EFHD1: variants seen among roughly 807,000 people sequenced by gnomAD.
EFHD1 encodes the protein EF-hand domain family member D1, also known as EF-hand domain-containing protein D1.
In EFHD1, 10 loss-of-function variants were observed where a neutral mutation model predicts 17.2. That is an observed-to-expected ratio of 0.58 (90% CI 0.36 to 0.99). The LOEUF (loss-of-function observed/expected upper bound fraction) is 0.99. Among genes scored for constraint, EFHD1 ranks in the 50% least tolerant of loss-of-function variants. The pLI, the probability that EFHD1 is intolerant of heterozygous loss-of-function variation, is 0.01. For missense variants in EFHD1, 310 were observed against 327.5 expected, an observed-to-expected ratio of 0.95 and a Z score of 0.41; for synonymous variants, 153 against 142.0, an observed-to-expected ratio of 1.08 and a Z score of -0.55.
chr2:232,664,979 T>C (rs1684789930), intron 2 of EFHD1, among the ~76,000 whole-genome samples: 1 of 151,984 alleles, frequency 6.6e-6, no homozygotes, highest in African/African-American at 2.4e-5. Flanking sequence ...TGGTATAGTC[T>C]TACCTCACTG....
chr2:232,678,667 C>T (rs1460115816), intron 3 of EFHD1, among the ~76,000 whole-genome samples: 1 of 152,130 alleles, frequency 6.6e-6, no homozygotes, highest in Admixed American at 6.5e-5. Flanking sequence ...CCTGTAATCC[C>T]AGCTACTCGG....
intron 1 of EFHD1, among the ~76,000 whole-genome samples, chr2:232,626,929 T>TA (rs1694111054): frequency 6.6e-6 from 1 of 151,698 alleles, no homozygotes; most frequent in Admixed American, 6.6e-5. Flanking sequence ...CTCTTGCCTG[T>TA]AATCCCAGCA....
intron 1 of EFHD1, chr2:232,649,814 C>A (rs893388722): frequency 1.3e-5 from 2 of 152,198 alleles, no homozygotes; most frequent in African/African-American, 4.8e-5. Flanking sequence ...AGAGTCTCCC[C>A]CTAACAGAGT....
rs572363189 is a variant in EFHD1, at chr2:232,658,942, G to A, written c.303-3860G>A. Among the ~76,000 whole-genome samples the A allele has an allele frequency of 9.2e-5, 14 of 152,132 alleles. No individual in the cohort carries two copies. The South Asian group carries it at 2.5e-3, about 27-fold the overall frequency. On this transcript the variant is annotated intron_variant, in intron 1 of 3. Transcript: ENST00000264059. ...TTTTTAAAAAAAACTTAGAAAACAG[G>A]GAAGTGAGGTCCATCCTCAAGTCAT... is the stretch of plus-strand genomic sequence containing the variant.
chr2:232,655,635 C>T (rs1037263577), intron 1 of EFHD1, among the ~76,000 whole-genome samples: 6 of 152,168 alleles, frequency 3.9e-5, no homozygotes, highest in Admixed American at 6.5e-5. Flanking sequence ...TCCAGTTGGC[C>T]GTTTTGCCAG....
At chr2:232,618,359 A>G (rs960135141) in intron 1 of EFHD1, among the ~76,000 whole-genome samples, 1 of 152,202 alleles carries the variant, frequency 6.6e-6, no homozygotes, top group Non-Finnish European at 1.5e-5. Context: ...TTGAACAGAC[A>G]TTATTCCAAA....
intron 1 of EFHD1, among the ~76,000 whole-genome samples, chr2:232,607,490 A>T (rs890472200): frequency 1.3e-5 from 2 of 151,278 alleles, no homozygotes; most frequent in Non-Finnish European, 2.9e-5. Context: ...GATACTCGGG[A>T]GGCTGAGGCA....
At chr2:232,658,966 A>G (rs1475789578) in intron 1 of EFHD1, among the ~76,000 whole-genome samples, 1 of 152,138 alleles carries the variant, frequency 6.6e-6, no homozygotes, top group Non-Finnish European at 1.5e-5. Context: ...TCCTCAAGTC[A>G]TTTTCAGTGA....
At chr2:232,620,780 CA>C (rs1445655069) in intron 1 of EFHD1, among the ~76,000 whole-genome samples, 1 of 152,078 alleles carries the variant, frequency 6.6e-6, no homozygotes, top group Non-Finnish European at 1.5e-5. Flanking sequence ...CCGAAAAAGC[CA>C]AACCATCCCC....
chr2:232,624,370 C>T (rs1386610610), intron 1 of EFHD1, among the ~76,000 whole-genome samples: 1 of 152,224 alleles, frequency 6.6e-6, no homozygotes, highest in Non-Finnish European at 1.5e-5. Flanking sequence ...CCAGGCCTCA[C>T]CTGGGGGTTA....
intron 1 of EFHD1, chr2:232,610,967 A>C (rs1309272207): frequency 2.0e-5 from 3 of 152,384 alleles, no homozygotes; most frequent in South Asian, 2.1e-4. Flanking sequence ...GCTTGAGGCC[A>C]TGAGTTCGAG....
rs186321511 is a variant in EFHD1, at chr2:232,676,145, A to C, written c.585+3702A>C. Among the ~76,000 whole-genome samples, 19 of 152,238 alleles carry C rather than the reference A, an allele frequency of 1.2e-4. No individual in the cohort carries two copies. In the East Asian group the frequency reaches 2.9e-3, roughly 23 times the overall value. On this transcript the variant is annotated intron_variant, in intron 3 of 3. Transcript: ENST00000264059. ...AGCCGAGATCAGGCCATTGCACTCC[A>C]GCCTGGGCGACAGAGCAAGACCATG...
intron 1 of EFHD1, among the ~76,000 whole-genome samples, chr2:232,662,416 G>A (rs1694889289): frequency 1.3e-5 from 2 of 152,108 alleles, no homozygotes; most frequent in African/African-American, 4.8e-5. Flanking sequence ...GCCCTTCCCT[G>A]TGAACGTGCT....
At chr2:232,614,023 T>TACATACACAA (rs1559335963) in intron 1 of EFHD1, among the ~76,000 whole-genome samples, 2 of 85,184 alleles carry the variant, frequency 2.3e-5, no homozygotes, top group East Asian at 4.3e-4. Context: ...TACACACAAA[T>TACATACACAA]ACACACACAA....
chr2:232,640,837 A>G (rs1446531975), intron 1 of EFHD1, among the ~76,000 whole-genome samples: 2 of 152,160 alleles, frequency 1.3e-5, no homozygotes, highest in Admixed American at 6.5e-5. Flanking sequence ...GCAGCCACCA[A>G]GGACTGTGAA....
At chr2:232,661,841 A>G (rs887899812) in intron 1 of EFHD1, 1 of 152,208 alleles carries the variant, frequency 6.6e-6, no homozygotes, top group Non-Finnish European at 1.5e-5. Context: ...AATTACAGGC[A>G]TGAGCCACCA....
At chr2:232,613,963 T>C (rs558987321) in intron 1 of EFHD1, among the ~76,000 whole-genome samples, 8 of 150,284 alleles carry the variant, frequency 5.3e-5, no homozygotes, top group South Asian at 2.1e-4. Flanking sequence ...TACACACACA[T>C]ACACACGTGA....
chr2:232,675,235 GAGAAAGAAA>G (rs751016043), intron 3 of EFHD1, among the ~76,000 whole-genome samples: 1,653 of 137,986 alleles, frequency 0.012, 9 homozygotes, highest in Non-Finnish European at 0.019. Flanking sequence ...GAAAGAAAGA[GAGAAAGAAA>G]AGAAAGAAAA....
At chr2:232,672,266 T>A (rs1440115078) in intron 2 of EFHD1, 43 bp from the exon 3 acceptor site, 1 of 1,613,994 alleles carries the variant, frequency 6.2e-7, no homozygotes. Flanking sequence ...TATGAATCTG[T>A]CAGTGAGACT....
Sources: gnomAD v4.1 joint callset for allele counts (sites outside exome capture counted in the v4.1 genomes callset) on GRCh38, gnomAD v4.1.1 for gene constraint, MANE v1.5 for transcripts, NCBI Gene and HGNC (gene_info 2026-07-23, HGNC 2026-07-21) for gene names.